Variants in HNRNPD observed in about 807,000 individuals in gnomAD.
The protein encoded by HNRNPD is heterogeneous nuclear ribonucleoprotein D.
A neutral mutation model predicts 47.9 loss-of-function variants in HNRNPD; 3 were observed. The observed-to-expected ratio is 0.06, with a 90% CI of 0.03 to 0.16. The LOEUF (loss-of-function observed/expected upper bound fraction) is 0.16, where lower values mean the gene tolerates loss of function less well. HNRNPD is among the 10% of genes least tolerant of loss of function. The probability of loss-of-function intolerance (pLI) is 1.00; values close to 1 mark genes in which losing one functional copy is unlikely to be tolerated. For missense variants in HNRNPD, 287 were observed against 454.2 expected (o/e 0.63, Z 3.35); for synonymous variants, 171 against 165.1 (o/e 1.04, Z -0.28).
At chr4:82,372,448 A>T (rs544626121) in intron 1 of HNRNPD, among the ~76,000 whole-genome samples, 1 of 152,320 alleles carries the variant, frequency 6.6e-6, no homozygotes, top group East Asian at 1.9e-4. Flanking sequence ...TTCTCTTAAG[A>T]GGACTACAGG....
chr4:82,355,404 A>G lies in HNRNPD; in HGVS notation c.1001-3T>C, dbSNP rs777206533. The stretch of plus-strand genomic sequence containing the variant: ...CTTCCCATAACCACTCTGCTGGTCT[A>G]AAATAAAACAAGTGTTAGAACCAGA... On this transcript the variant is annotated splice_region_variant and splice_polypyrimidine_tract_variant and intron_variant, in intron 7 of 8. Transcript: ENST00000313899. 6 of 1,609,854 alleles carry G rather than the reference A, an allele frequency of 3.7e-6. No individual in the cohort carries two copies. In the African/African-American group the frequency reaches 8.0e-5, roughly 22 times the overall value.
intron 2 of HNRNPD, among the ~76,000 whole-genome samples, chr4:82,363,672 A>C (rs556898263): frequency 6.8e-6 from 1 of 147,784 alleles, no homozygotes; most frequent in Non-Finnish European, 1.5e-5. Context: ...CATCTACTGT[A>C]TTTTATTAAC....
intron 1 of HNRNPD, among the ~76,000 whole-genome samples, chr4:82,372,155 GAC>G (rs368542882): frequency 6.6e-6 from 1 of 151,118 alleles, no homozygotes; most frequent in African/African-American, 2.4e-5. Flanking sequence ...AAAAAATTCA[GAC>G]ACACACACAC....
Position 82,353,625 on chromosome 4 carries a change from C to A in HNRNPD, c.*560G>T, listed in dbSNP as rs1051196488. 9 of 152,574 alleles carry A rather than the reference C, an allele frequency of 5.9e-5. No individual in the cohort carries two copies. The highest frequency in any genetic ancestry group is 1.0e-4 in the Non-Finnish European group (7 of 68,020). 9.5% of individuals were successfully genotyped at this position (152,574 alleles called of 1,614,324 possible). ...AAGGAAGTATTATTAAAACAACCAACAAACAAATTGACATTAAGTCATTCC... is the reference window on the plus strand; with the variant it reads ...AAGGAAGTATTATTAAAACAACCAAAAAACAAATTGACATTAAGTCATTCC... On this transcript the variant is annotated 3_prime_UTR_variant, in exon 9 of 9. Coordinates refer to ENST00000313899, the MANE Select transcript of HNRNPD (RefSeq NM_031370.3).
At chr4:82,365,327 C>A (rs1402720537) in intron 2 of HNRNPD, among the ~76,000 whole-genome samples, 1 of 152,150 alleles carries the variant, frequency 6.6e-6, no homozygotes, top group Non-Finnish European at 1.5e-5. Context: ...TCACTGTCAT[C>A]TTTTAAAGTA....
At chr4:82,371,312 G>A (rs1381748283) in intron 2 of HNRNPD, among the ~76,000 whole-genome samples, 1 of 152,056 alleles carries the variant, frequency 6.6e-6, no homozygotes, top group Non-Finnish European at 1.5e-5. Flanking sequence ...GCAACTACAT[G>A]CATTACCACA....
chr4:82,368,562 C>T (rs1048204961), intron 2 of HNRNPD, among the ~76,000 whole-genome samples: 1 of 152,158 alleles, frequency 6.6e-6, no homozygotes, highest in East Asian at 1.9e-4. Context: ...ATTTAATACT[C>T]TTCGCTTAAA....
At position 82,353,827 on chromosome 4, in the gene HNRNPD, C is replaced by T. The variant is rs1296805350; in HGVS notation, c.*358G>A. On this transcript the variant is annotated 3_prime_UTR_variant, in exon 9 of 9. Coordinates refer to ENST00000313899, the MANE Select transcript of HNRNPD (RefSeq NM_031370.3). ...TATTCTGATGATAAAAGAGCCAATACATTTTTATACAAAAGGATTTATTAA... is the reference window on the plus strand; with the variant it reads ...TATTCTGATGATAAAAGAGCCAATATATTTTTATACAAAAGGATTTATTAA... 6.6e-6 allele frequency: 1 copy of T among 152,588 alleles called. No homozygotes were observed. The highest frequency in any genetic ancestry group is 1.9e-4 in the East Asian group (1 of 5,198). The allele number at this position is 152,588 out of a possible 1,614,324, so 9.5% of individuals were successfully genotyped here. A position where few individuals can be genotyped will look rare whatever the true frequency, so the allele number is the denominator to read the frequency against.
intron 2 of HNRNPD, among the ~76,000 whole-genome samples, chr4:82,366,577 C>CT (rs1390207383): frequency 6.6e-6 from 1 of 151,100 alleles, no homozygotes; most frequent in African/African-American, 2.4e-5. Context: ...CTTTTTTTTT[C>CT]TTTTTTTGAG....
At chr4:82,368,978 G>A (rs1359934205) in intron 2 of HNRNPD, among the ~76,000 whole-genome samples, 1 of 151,918 alleles carries the variant, frequency 6.6e-6, no homozygotes, top group East Asian at 1.9e-4. Context: ...TGTTATTAAA[G>A]AAGCATTGCT....
At chr4:82,355,023 T>C (rs1723656238) in intron 8 of HNRNPD, 2 of 403,168 alleles carry the variant, frequency 5.0e-6, no homozygotes, top group South Asian at 2.7e-5. Context: ...AAACAAGGTA[T>C]AATGTCAGAG....
rs1411514982 is a variant in HNRNPD at position 82,373,526 on chromosome 4, G to T, written c.153C>A (p.Thr51=). ...TGCCCCCTTCGGTGCCTCCAGACGC[G>T]GTTCCGCCCCCGGTCCCGGCTCCGC... ...AGSGAGTGGG[T]ASGGTEGGSA... The change falls in exon 1 of 9, where the codon ACC becomes ACA. Residue 51 remains threonine, a synonymous_variant. Coordinates refer to ENST00000313899, the MANE Select transcript of HNRNPD (RefSeq NM_031370.3). 2 of 1,542,712 alleles carry T rather than the reference G, an allele frequency of 1.3e-6. No individual in the cohort carries two copies. The highest frequency in any genetic ancestry group is 2.5e-5 in the East Asian group (1 of 39,648).
chr4:82,373,626 G>A lies in HNRNPD; in HGVS notation c.53C>T (p.Ala18Val), dbSNP rs1720254737. The change falls in exon 1 of 9, where the codon GCG becomes GTG. Residue 18 changes from alanine (A) to valine (V), a missense_variant. Coordinates refer to ENST00000313899, the MANE Select transcript of HNRNPD (RefSeq NM_031370.3). Reference sequence around the variant, plus strand: ...CTGCTCGCCCGCCGAGCCGCCTACCGCCGCCGTTGCCGCTGCCGCCGCCCC... The same window carrying A: ...CTGCTCGCCCGCCGAGCCGCCTACCACCGCCGTTGCCGCTGCCGCCGCCCC... ...GDGAAAAATA[A>V]VGGSAGEQEG... is the part of the protein sequence containing the mutation. The A allele has an allele frequency of 2.6e-6, 4 of 1,525,296 alleles. No homozygotes were observed. The highest frequency in any genetic ancestry group is 3.5e-6 in the Non-Finnish European group (4 of 1,142,594). 94.5% of individuals were successfully genotyped at this position (1,525,296 alleles called of 1,614,324 possible).
rs115721931 is a variant in HNRNPD at position 82,365,103 on chromosome 4, C to A, written c.291-5464G>T. Among the ~76,000 whole-genome samples, 1,063 of 152,232 alleles carry A rather than the reference C, an allele frequency of 7.0e-3. 14 individuals are homozygous for A. The highest frequency in any genetic ancestry group is 0.024 in the African/African-American group (1,014 of 41,520). On this transcript the variant is annotated intron_variant, in intron 2 of 8. Transcript: ENST00000313899. ...ACGAGATCTTGCTCTGTTACCCAGG[C>A]TAGTCACAGAACTCCTGGACATAGC...
intron 2 of HNRNPD, among the ~76,000 whole-genome samples, chr4:82,370,269 A>C (rs1719970930): frequency 6.6e-6 from 1 of 152,240 alleles, no homozygotes; most frequent in African/African-American, 2.4e-5. Flanking sequence ...AAAAAGTTGT[A>C]ATATTACATC....
intron 7 of HNRNPD, 31 bp from the exon 8 acceptor site, chr4:82,355,432 G>T: frequency 6.6e-7 from 1 of 1,505,162 alleles, no homozygotes; most frequent in Non-Finnish European, 9.2e-7. Flanking sequence ...GAACCAGAAC[G>T]GTAGTGGTTA....
At chr4:82,370,344 T>C (rs1258144305) in intron 2 of HNRNPD, among the ~76,000 whole-genome samples, 1 of 152,182 alleles carries the variant, frequency 6.6e-6, no homozygotes, top group Non-Finnish European at 1.5e-5. Context: ...CAAATTTAAG[T>C]TTATGGTCAT....
At chr4:82,373,209 A>T (rs950043912) in intron 1 of HNRNPD, 1 of 705,028 alleles carries the variant, frequency 1.4e-6, no homozygotes, top group Non-Finnish European at 2.5e-6. Context: ...GAGGAGCAGC[A>T]TGGTGACGGC....
rs1560442347 is a variant in HNRNPD at position 82,373,705 on chromosome 4, CGAGACTACACCCGCCGCTGCCGCG to C, written c.-51_-28del. On this transcript the variant is annotated 5_prime_UTR_variant, in exon 1 of 9. Coordinates refer to ENST00000313899, the MANE Select transcript of HNRNPD (RefSeq NM_031370.3). Reference sequence around the variant, plus strand: ...GTGCTAGTGTCTCCGCCGCTGCCGCCGAGACTACACCCGCCGCTGCCGCGAACCGAAACTAGCAGCAAAGTAATC... The same window carrying C: ...GTGCTAGTGTCTCCGCCGCTGCCGCCAACCGAAACTAGCAGCAAAGTAATC... 2.0e-6 allele frequency: 3 copies of C among 1,500,412 alleles called. No individual in the cohort carries two copies. Among genetic ancestry groups the C allele is most frequent in the East Asian group, 5.1e-5 (2 of 39,286 alleles). The allele number at this position is 1,500,412 out of a possible 1,614,324, so 92.9% of individuals were successfully genotyped here.
Sources: gnomAD v4.1 joint callset for allele counts (sites outside exome capture counted in the v4.1 genomes callset) on GRCh38, gnomAD v4.1.1 for gene constraint, MANE v1.5 for transcripts, NCBI Gene and HGNC (gene_info 2026-07-23, HGNC 2026-07-21) for gene names.